The following FMN1 variants were observed in gnomAD, a reference collection of about 807,000 sequenced individuals.
The protein encoded by FMN1 is formin 1.
Under a neutral mutation model 132.4 loss-of-function variants are expected in FMN1, and 110 were observed. That is an observed-to-expected ratio of 0.83 (90% CI 0.71 to 0.97). FMN1 has a LOEUF of 0.97. Ranked by LOEUF, FMN1 falls within the 50% of genes least tolerant of loss-of-function variation. The pLI is 0.00. For synonymous variants in FMN1, 722 were observed against 651.7 expected, an observed-to-expected ratio of 1.11 and a Z score of -1.64; for missense variants, 1,792 against 1,705.3, an observed-to-expected ratio of 1.05 and a Z score of -0.90.
intron 9 of FMN1, among the ~76,000 whole-genome samples, chr15:32,952,895 C>T (rs1330175799): frequency 2.6e-5 from 4 of 152,194 alleles, no homozygotes; most frequent in Non-Finnish European, 4.4e-5. Context: ...CAATAGGTTC[C>T]ATCTGGCTGC....
chr15:33,083,958 G>A (rs2038589716), intron 5 of FMN1, among the ~76,000 whole-genome samples: 1 of 152,126 alleles, frequency 6.6e-6, no homozygotes, highest in African/African-American at 2.4e-5. Context: ...TCCCAACAGT[G>A]CCATGACAGT....
chr15:33,155,725 C>T (rs1332804859), intron 3 of FMN1, among the ~76,000 whole-genome samples: 2 of 151,954 alleles, frequency 1.3e-5, no homozygotes, highest in Non-Finnish European at 2.9e-5. Flanking sequence ...CTATTCGAAG[C>T]CAAATGGAAT....
intron 6 of FMN1, among the ~76,000 whole-genome samples, chr15:33,061,039 T>C (rs1296522146): frequency 5.3e-5 from 8 of 152,168 alleles, no homozygotes; most frequent in Non-Finnish European, 1.0e-4. Context: ...CGGAACAGGT[T>C]CTCCCTCTGA....
chr15:33,002,327 A>C (rs926582998), intron 7 of FMN1, among the ~76,000 whole-genome samples: 3 of 152,222 alleles, frequency 2.0e-5, no homozygotes, highest in Non-Finnish European at 4.4e-5. Flanking sequence ...AATCACATGT[A>C]AAGCATCAAC....
intron 19 of FMN1, among the ~76,000 whole-genome samples, chr15:32,787,628 G>A (rs926725266): frequency 2.6e-5 from 4 of 152,138 alleles, no homozygotes; most frequent in African/African-American, 9.7e-5. Context: ...AGGCAGGACT[G>A]CTTGAGGCTA....
chr15:33,131,574 C>T (rs566027083), intron 4 of FMN1, among the ~76,000 whole-genome samples: 1 of 152,262 alleles, frequency 6.6e-6, no homozygotes, highest in South Asian at 2.1e-4. Flanking sequence ...TAATAATATG[C>T]AACACCAAGT....
At chr15:32,964,016 T>TACACACACACACACACACACAC (rs374980152) in intron 9 of FMN1, 91 bp downstream of exon 9, 39 of 508,320 alleles carry the variant, frequency 7.7e-5, no homozygotes, top group African/African-American at 6.8e-4. Flanking sequence ...GTATATACGA[T>TACACACACACACACACACACAC]ACACACACAC....
intron 3 of FMN1, among the ~76,000 whole-genome samples, chr15:33,160,668 T>A (rs1400060975): frequency 6.6e-6 from 1 of 152,214 alleles, no homozygotes; most frequent in Non-Finnish European, 1.5e-5. Context: ...CTCATTCTAC[T>A]TGGACTCAAA....
chr15:32,774,224 A>T lies in FMN1; in HGVS notation c.*86T>A. 2.8e-6 allele frequency: 3 copies of T among 1,054,360 alleles called. No individual in the cohort carries two copies. Among genetic ancestry groups the T allele is most frequent in the Non-Finnish European group, 4.3e-6 (3 of 702,510 alleles). The allele number at this position is 1,054,360 out of a possible 1,614,324, so 65.3% of individuals were successfully genotyped here. Reference sequence around the variant, plus strand: ...ACAAACATTTAGTGACACATCTTTCAAGAACGTCCTGCAACCCTGTGGTCA... The same window carrying T: ...ACAAACATTTAGTGACACATCTTTCTAGAACGTCCTGCAACCCTGTGGTCA... On this transcript the variant is annotated 3_prime_UTR_variant, in exon 21 of 21. Coordinates refer to ENST00000616417, the MANE Select transcript of FMN1 (RefSeq NM_001277313.2).
Position 33,082,834 on chromosome 15 carries a change from T to G in FMN1, c.2043+5965A>C, listed in dbSNP as rs892739142. Among the ~76,000 whole-genome samples, 9 of 151,184 alleles carry G rather than the reference T, an allele frequency of 6.0e-5. No individual in the cohort carries two copies. In the South Asian group the frequency reaches 1.9e-3, roughly 31 times the overall value. On this transcript the variant is annotated intron_variant, in intron 5 of 20. Coordinates refer to ENST00000616417, the MANE Select transcript of FMN1 (RefSeq NM_001277313.2). Reference sequence around the variant, plus strand: ...AAAGTAATATCTAGGAGTGATAGAGTTAGTTAATAAAATATAGGATACCCA... The same window carrying G: ...AAAGTAATATCTAGGAGTGATAGAGGTAGTTAATAAAATATAGGATACCCA...
Position 32,798,884 on chromosome 15 carries a change from G to A in FMN1, c.4050C>T (p.Tyr1350=), listed in dbSNP as rs755406775. 57 of 1,613,002 alleles carry A rather than the reference G, an allele frequency of 3.5e-5. 1 individual carries two copies. The highest frequency in any genetic ancestry group is 4.4e-5 in the South Asian group (4 of 90,996). Residue 1350 remains tyrosine (Y), a synonymous_variant, in exon 19 of 21, where the codon TAC becomes TAT. Transcript: ENST00000616417. ...AGAACTCATACCACACCATAAACAC[G>A]TAGCTGGGTGTGATCTCCTTCTCAC... is the stretch of plus-strand genomic sequence containing the variant. ...KSGEKEITPS[Y]VFMVWYEFCS...
At chr15:33,162,123 T>A (rs1964922128) in intron 3 of FMN1, among the ~76,000 whole-genome samples, 1 of 152,048 alleles carries the variant, frequency 6.6e-6, no homozygotes, top group African/African-American at 2.4e-5. Flanking sequence ...GCAATTCTCC[T>A]ACCTCAGCTC....
intron 17 of FMN1, among the ~76,000 whole-genome samples, chr15:32,826,203 G>A (rs1246370161): frequency 1.3e-5 from 2 of 152,170 alleles, no homozygotes; most frequent in East Asian, 3.9e-4. Context: ...CATGTCAAGA[G>A]GGCCTAATGG....
chr15:32,902,497 AT>A (rs1045452368), intron 12 of FMN1, among the ~76,000 whole-genome samples: 1 of 150,706 alleles, frequency 6.6e-6, no homozygotes, highest in African/African-American at 2.5e-5. Flanking sequence ...TTAAAAAAAA[AT>A]CTCTTACTAA....
intron 16 of FMN1, among the ~76,000 whole-genome samples, chr15:32,865,524 T>C (rs1596120908): frequency 6.6e-6 from 1 of 152,136 alleles, no homozygotes; most frequent in African/African-American, 2.4e-5. Flanking sequence ...CTTCAAAAAG[T>C]AGCAACAAAC....
chr15:32,993,904 G>A (rs2033597276), intron 7 of FMN1, among the ~76,000 whole-genome samples: 1 of 147,116 alleles, frequency 6.8e-6, no homozygotes, highest in South Asian at 2.2e-4. Flanking sequence ...CAGCAGCCGG[G>A]GGCGGGGTGG....
chr15:33,115,809 G>A (rs1013049339), intron 4 of FMN1, among the ~76,000 whole-genome samples: 1 of 151,968 alleles, frequency 6.6e-6, no homozygotes, highest in Admixed American at 6.6e-5. Context: ...CCACCTTATG[G>A]CTTGACTCTT....
At chr15:33,067,980 A>G in intron 5 of FMN1, 1 of 1,488,360 alleles carries the variant, frequency 6.7e-7, no homozygotes. Flanking sequence ...TACAGGACAG[A>G]GAGCAACAGG....
At chr15:32,904,093 C>T (rs12912842) in intron 12 of FMN1, among the ~76,000 whole-genome samples, 14,802 of 152,118 alleles carry the variant, frequency 0.097, 917 homozygotes, top group African/African-American at 0.17. Flanking sequence ...AGAGCTTAAT[C>T]TACAGTCCCA....
Sources: gnomAD v4.1 joint callset for allele counts (sites outside exome capture counted in the v4.1 genomes callset) on GRCh38, gnomAD v4.1.1 for gene constraint, MANE v1.5 for transcripts, NCBI Gene and HGNC (gene_info 2026-07-23, HGNC 2026-07-21) for gene names.